COG5: variants seen among roughly 807,000 people sequenced by gnomAD.
The protein encoded by COG5 is component of oligomeric golgi complex 5.
COG5 carries 86 observed loss-of-function variants against 110.4 expected under a neutral mutation model. The observed-to-expected ratio is 0.78, with a 90% CI of 0.65 to 0.93. The LOEUF (loss-of-function observed/expected upper bound fraction) is 0.93, where lower values mean the gene tolerates loss of function less well. COG5 is among the 40% of genes least tolerant of loss of function. The pLI is 0.00. For synonymous variants in COG5, 360 were observed against 334.6 expected (o/e 1.08, Z -0.83); for missense variants, 1,077 against 987.0 (o/e 1.09, Z -1.22).
At chr7:107,353,695 A>G (rs1458340041) in intron 10 of COG5, among the ~76,000 whole-genome samples, 1 of 152,168 alleles carries the variant, frequency 6.6e-6, no homozygotes, top group Admixed American at 6.5e-5. Flanking sequence ...AAATAATAAT[A>G]AACTAAAATG....
At chr7:107,213,478 C>T (rs556400078) in intron 19 of COG5, among the ~76,000 whole-genome samples, 3 of 152,258 alleles carry the variant, frequency 2.0e-5, no homozygotes, top group Non-Finnish European at 2.9e-5. Context: ...CCCAGCCTGC[C>T]GACCTACCCA....
chr7:107,301,373 TC>T (rs1807255243), intron 11 of COG5, among the ~76,000 whole-genome samples: 2 of 152,210 alleles, frequency 1.3e-5, no homozygotes, highest in African/African-American at 4.8e-5. Context: ...AGCACTTTTA[TC>T]TAAAACACAT....
At chr7:107,423,276 G>A (rs918516524) in intron 6 of COG5, among the ~76,000 whole-genome samples, 5 of 152,144 alleles carry the variant, frequency 3.3e-5, no homozygotes, top group Admixed American at 3.3e-4. Context: ...AGGCAGGGAT[G>A]TGATGAAGAA....
chr7:107,330,196 T>A (rs1471591403), intron 10 of COG5, among the ~76,000 whole-genome samples: 3 of 152,346 alleles, frequency 2.0e-5, no homozygotes. Flanking sequence ...CATTTGTAAT[T>A]TAAAGTATCT....
At chr7:107,277,786 G>C (rs764306443) in intron 14 of COG5, among the ~76,000 whole-genome samples, 13 of 152,186 alleles carry the variant, frequency 8.5e-5, no homozygotes, top group Non-Finnish European at 1.8e-4. Context: ...GATTCAGAAG[G>C]ACTGAAGGAT....
At chr7:107,380,231 C>T (rs1163043524) in intron 7 of COG5, among the ~76,000 whole-genome samples, 1 of 152,038 alleles carries the variant, frequency 6.6e-6, no homozygotes, top group Non-Finnish European at 1.5e-5. Flanking sequence ...AAAATCGACA[C>T]CCTAACATCA....
intron 6 of COG5, among the ~76,000 whole-genome samples, chr7:107,413,280 G>T (rs1792445555): frequency 6.6e-6 from 1 of 151,882 alleles, no homozygotes; most frequent in South Asian, 2.1e-4. Flanking sequence ...CTCTTGAGTA[G>T]CTGGGCCCCA....
chr7:107,241,627 T>C (rs1801642305), intron 17 of COG5, among the ~76,000 whole-genome samples: 1 of 151,838 alleles, frequency 6.6e-6, no homozygotes, highest in Non-Finnish European at 1.5e-5. Context: ...AATTTTTTTA[T>C]ATTTTTAGTA....
rs772680760 is a variant in COG5, at chr7:107,412,567, C to A, written c.604G>T (p.Ala202Ser). The A allele has an allele frequency of 3.1e-6, 5 of 1,609,908 alleles. No individual in the cohort carries two copies. Among genetic ancestry groups the A allele is most frequent in the Non-Finnish European group, 4.2e-6 (5 of 1,176,908 alleles). ...TTTTCCACTTCAAGTCGGGCTCTTG[C>A]AATAAAAAGTAGATCATTTTCTATC... Reference protein sequence around the residue: ...EVIENDLLFIARARLEVENQA... With the variant: ...EVIENDLLFISRARLEVENQA... The change falls in exon 7 of 22, where the codon GCA becomes TCA. Residue 202 changes from alanine to serine, a missense_variant. Physicochemically the swap from Ala to Ser is moderately conservative, Grantham distance 99. Coordinates refer to ENST00000297135, the MANE Select transcript of COG5 (RefSeq NM_006348.5).
chr7:107,450,307 C>T (rs919821067), intron 6 of COG5: 33 of 153,118 alleles, frequency 2.2e-4, no homozygotes, highest in African/African-American at 7.7e-4. Context: ...AATGCCACTT[C>T]CACCAACATG....
intron 6 of COG5, among the ~76,000 whole-genome samples, chr7:107,455,071 C>T (rs1348275834): frequency 6.6e-6 from 1 of 152,010 alleles, no homozygotes; most frequent in Non-Finnish European, 1.5e-5. Flanking sequence ...TTATTTTTTC[C>T]ATTTGCAATT....
chr7:107,531,080 G>A (rs1801169527), intron 5 of COG5, among the ~76,000 whole-genome samples: 1 of 151,374 alleles, frequency 6.6e-6, no homozygotes, highest in Non-Finnish European at 1.5e-5. Flanking sequence ...AAATACCTAA[G>A]TGCTATGGTT....
intron 7 of COG5, among the ~76,000 whole-genome samples, chr7:107,386,007 T>C (rs1790165248): frequency 6.6e-6 from 1 of 151,570 alleles, no homozygotes; most frequent in Admixed American, 6.6e-5. Context: ...TGTGTGTGTG[T>C]GTGTGTGTGT....
chr7:107,377,063 T>C (rs991385336), intron 7 of COG5, among the ~76,000 whole-genome samples: 2 of 152,132 alleles, frequency 1.3e-5, no homozygotes, highest in African/African-American at 4.8e-5. Context: ...CATATTGACA[T>C]TAACCTGGCC....
intron 10 of COG5, among the ~76,000 whole-genome samples, chr7:107,355,745 A>C (rs1420505861): frequency 6.6e-6 from 1 of 152,244 alleles, no homozygotes; most frequent in Admixed American, 6.5e-5. Context: ...CAGTAAAAAG[A>C]TCAGTGGTTA....
chr7:107,455,804 T>C (rs1795630625), intron 6 of COG5, among the ~76,000 whole-genome samples: 1 of 151,098 alleles, frequency 6.6e-6, no homozygotes, highest in Non-Finnish European at 1.5e-5. Context: ...GTTGTTTGTT[T>C]GTTTTTGAGA....
chr7:107,347,077 T>C (rs537765927), intron 10 of COG5, among the ~76,000 whole-genome samples: 2 of 152,278 alleles, frequency 1.3e-5, no homozygotes, highest in South Asian at 2.1e-4. Flanking sequence ...CAAGCAATGA[T>C]TGCATCAAAG....
At chr7:107,545,039 A>G (rs2129170884) in intron 5 of COG5, among the ~76,000 whole-genome samples, 1 of 152,332 alleles carries the variant, frequency 6.6e-6, no homozygotes, top group South Asian at 2.1e-4. Flanking sequence ...TCAATCACAT[A>G]AAAGAATCAG....
At chr7:107,314,481 C>T (rs1808548253) in intron 11 of COG5, among the ~76,000 whole-genome samples, 1 of 151,732 alleles carries the variant, frequency 6.6e-6, no homozygotes, top group Non-Finnish European at 1.5e-5. Flanking sequence ...CAGCGGCTCA[C>T]GCCTGTAATC....
Sources: allele counts gnomAD v4.1 joint callset (sites outside exome capture counted in the v4.1 genomes callset), GRCh38; gene constraint gnomAD v4.1.1; transcripts MANE v1.5; gene names NCBI Gene and HGNC (gene_info 2026-07-23, HGNC 2026-07-21).